DOCK8: variants seen among roughly 807,000 people sequenced by gnomAD.
The protein encoded by DOCK8 is dedicator of cytokinesis protein 8.
Under a neutral mutation model 245.6 loss-of-function variants are expected in DOCK8, and 141 were observed. The ratio of observed to expected loss-of-function variants is 0.57; its 90% CI spans 0.50 to 0.66. DOCK8 has a LOEUF of 0.66. Ranked by LOEUF, DOCK8 falls within the 30% of genes least tolerant of loss-of-function variation. DOCK8 has a pLI of 0.00. For synonymous variants in DOCK8, 1,168 were observed against 970.2 expected (o/e 1.20, Z -3.79); for missense variants, 2,965 against 2,603.4 (o/e 1.14, Z -3.02).
rs764827950 is a variant in DOCK8 at position 418,161 on chromosome 9, G to A, written c.3794G>A (p.Gly1265Glu). The change falls in exon 30 of 48, where the codon GGG (glycine) becomes GAG (glutamate). Residue 1265 changes from glycine (G) to glutamate (E), a missense_variant. Physicochemically the swap from Gly to Glu is moderately conservative, Grantham distance 98 (BLOSUM62 -2). Around this residue, in one of 3 missense-constraint regions of DOCK8, gnomAD observed 2,825 missense variants for 2,453.5 expected, o/e 1.15. Coordinates refer to ENST00000432829, the MANE Select transcript of DOCK8 (RefSeq NM_203447.4). Reference sequence around the variant, plus strand: ...CAGAATGTGGCTCTGGCCATAGCAGGGAATAATTTCAATTTGAAAACAAGT... The same window carrying A: ...CAGAATGTGGCTCTGGCCATAGCAGAGAATAATTTCAATTTGAAAACAAGT... ...INQNVALAIA[G>E]NNFNLKTSGI... The A allele has an allele frequency of 1.2e-6, 2 of 1,614,180 alleles. No homozygotes were observed. Among genetic ancestry groups the A allele is most frequent in the African/African-American group, 1.3e-5 (1 of 75,040 alleles).
rs1587139999 is a variant in DOCK8 at position 462,523 on chromosome 9, C to T, written c.6069-994C>T. Reference sequence around the variant, plus strand: ...TGCAGGTGGCATATCCAGAATCTCCCTTTGCCCTGGCCAAGGCCACATCAC... The same window carrying T: ...TGCAGGTGGCATATCCAGAATCTCCTTTTGCCCTGGCCAAGGCCACATCAC... On this transcript the variant is annotated intron_variant, in intron 46 of 47. Transcript: ENST00000432829. Among the ~76,000 whole-genome samples the T allele has an allele frequency of 2.0e-5, 3 of 152,332 alleles. No homozygotes were observed. In the East Asian group the frequency reaches 5.8e-4, roughly 29 times the overall value.
At chr9:214,780 C>G (rs746402416), upstream of DOCK8, 2 of 1,549,578 alleles carry the variant, frequency 1.3e-6, no homozygotes, top group Admixed American at 1.9e-5. Flanking sequence ...GTGGCGGAGC[C>G]GGCCGTCGCT....
intron 39 of DOCK8, among the ~76,000 whole-genome samples, chr9:435,807 A>G (rs951799828): frequency 2.0e-5 from 3 of 152,162 alleles, no homozygotes; most frequent in Admixed American, 6.6e-5. Flanking sequence ...GTCTTTAGAG[A>G]GAGAGAAAAT....
At chr9:239,234 C>G (rs914993792) in intron 1 of DOCK8, among the ~76,000 whole-genome samples, 1 of 152,186 alleles carries the variant, frequency 6.6e-6, no homozygotes, top group Non-Finnish European at 1.5e-5. Flanking sequence ...CGTGCATGCA[C>G]ACACTGCACA....
chr9:414,317 C>G (rs2055888268), intron 28 of DOCK8, among the ~76,000 whole-genome samples: 1 of 152,142 alleles, frequency 6.6e-6, no homozygotes, highest in Non-Finnish European at 1.5e-5. Context: ...ATAAAATTCA[C>G]CAATGGAATA....
At chr9:368,590 A>G in intron 15 of DOCK8, 1 of 276,646 alleles carries the variant, frequency 3.6e-6, no homozygotes, top group South Asian at 7.8e-5. Flanking sequence ...TAGTAATTAT[A>G]AACACACACC....
chr9:249,435 C>A (rs865855050), intron 1 of DOCK8, among the ~76,000 whole-genome samples: 9 of 152,120 alleles, frequency 5.9e-5, no homozygotes, highest in Admixed American at 2.0e-4. Flanking sequence ...CATTTTCTTT[C>A]AAAAGTTTAA....
chr9:278,378 T>A (rs2048442972), intron 2 of DOCK8, among the ~76,000 whole-genome samples: 1 of 152,238 alleles, frequency 6.6e-6, no homozygotes, highest in African/African-American at 2.4e-5. Flanking sequence ...AGTAGAGAGC[T>A]TACTCATTCG....
At chr9:403,870 C>G (rs1319661484) in intron 26 of DOCK8, among the ~76,000 whole-genome samples, 4 of 86,572 alleles carry the variant, frequency 4.6e-5, no homozygotes, top group South Asian at 7.3e-4. Flanking sequence ...CTCTCTCTCT[C>G]TCTCTCTCTC....
intron 1 of DOCK8, among the ~76,000 whole-genome samples, chr9:249,996 A>G (rs2047610583): frequency 6.6e-6 from 1 of 152,188 alleles, no homozygotes; most frequent in Non-Finnish European, 1.5e-5. Context: ...TGTTGCAGGT[A>G]GTCCAAAGGC....
chr9:369,804 A>AC (rs1339354465), intron 15 of DOCK8: 1 of 241,062 alleles, frequency 4.1e-6, no homozygotes, highest in Non-Finnish European at 8.2e-6. Flanking sequence ...TAGTCCCAGC[A>AC]CTTTTTTTTT....
intron 4 of DOCK8, among the ~76,000 whole-genome samples, chr9:302,655 C>G (rs983911182): frequency 1.4e-4 from 22 of 151,910 alleles, no homozygotes; most frequent in African/African-American, 4.8e-4. Context: ...ATTCAACATG[C>G]AAAAAACCAC....
chr9:245,433 C>G (rs950227285), intron 1 of DOCK8, among the ~76,000 whole-genome samples: 3 of 152,120 alleles, frequency 2.0e-5, no homozygotes, highest in African/African-American at 7.2e-5. Context: ...GTCTCGAACT[C>G]CTGACCTCAG....
chr9:224,919 G>A (rs917938692), intron 1 of DOCK8, among the ~76,000 whole-genome samples: 2 of 152,180 alleles, frequency 1.3e-5, no homozygotes, highest in Non-Finnish European at 2.9e-5. Context: ...TCTGTTGTCT[G>A]TGAGAACAAG....
At chr9:270,027 G>C (rs2048122777) in intron 1 of DOCK8, among the ~76,000 whole-genome samples, 1 of 152,134 alleles carries the variant, frequency 6.6e-6, no homozygotes, top group Non-Finnish European at 1.5e-5. Flanking sequence ...CCACATCCTT[G>C]CAAACACTTG....
At chr9:405,466 C>T (rs2055370968) in intron 27 of DOCK8, among the ~76,000 whole-genome samples, 1 of 152,134 alleles carries the variant, frequency 6.6e-6, no homozygotes, top group Non-Finnish European at 1.5e-5. Context: ...AGCAGGCCCT[C>T]TAAGAGGTTT....
rs191855717 is a variant in DOCK8, at chr9:375,689, C to T, written c.2110-521C>T. 7.9e-5 allele frequency among the ~76,000 whole-genome samples: 12 copies of T among 152,184 alleles called. No individual in the cohort carries two copies. The East Asian group carries it at 1.9e-3, about 25-fold the overall frequency. On this transcript the variant is annotated intron_variant, in intron 18 of 47. Coordinates refer to ENST00000432829, the MANE Select transcript of DOCK8 (RefSeq NM_203447.4). The stretch of plus-strand genomic sequence containing the variant: ...TAAGGCCCAGAAAGTTTAGTTGAGT[C>T]GTCTAAGTAAAAATAACTAGTTTGA...
At chr9:434,177 C>A (rs543992238) in intron 38 of DOCK8, among the ~76,000 whole-genome samples, 1 of 151,970 alleles carries the variant, frequency 6.6e-6, no homozygotes, top group Non-Finnish European at 1.5e-5. Flanking sequence ...TAAAGTGAGG[C>A]ATAATAATGT....
At chr9:311,922 C>G in intron 5 of DOCK8, 32 bp from the exon 6 acceptor site, 3 of 1,610,872 alleles carry the variant, frequency 1.9e-6, no homozygotes, top group South Asian at 1.1e-5. Context: ...CTTGCCGTCT[C>G]TCTCACAAAG....
Sources: gnomAD v4.1 joint callset for allele counts (sites outside exome capture counted in the v4.1 genomes callset) on GRCh38, gnomAD v4.1.1 for gene constraint, gnomAD v4.1.1 regional missense constraint, MANE v1.5 for transcripts, NCBI Gene and HGNC (gene_info 2026-07-23, HGNC 2026-07-21) for gene names.